The following BRD4 variants were observed in gnomAD, a reference collection of about 807,000 sequenced individuals.
The protein encoded by BRD4 is bromodomain containing 4, also known as bromodomain-containing protein 4.
A neutral mutation model predicts 142.1 loss-of-function variants in BRD4; 16 were observed. That is an observed-to-expected ratio of 0.11 (90% CI 0.08 to 0.17). The LOEUF (loss-of-function observed/expected upper bound fraction) is 0.17, where lower values mean the gene tolerates loss of function less well. Among genes scored for constraint, BRD4 ranks in the 10% least tolerant of loss-of-function variants. The probability of loss-of-function intolerance (pLI) is 1.00; values close to 1 mark genes in which losing one functional copy is unlikely to be tolerated. For missense variants in BRD4, 1,424 were observed against 1,810.9 expected, an observed-to-expected ratio of 0.79 and a Z score of 3.88; for synonymous variants, 833 against 707.5, an observed-to-expected ratio of 1.18 and a Z score of -2.82.
intron 1 of BRD4, among the ~76,000 whole-genome samples, chr19:15,321,145 A>C (rs545973997): frequency 7.2e-5 from 11 of 152,136 alleles, no homozygotes; most frequent in Non-Finnish European, 1.5e-4. Context: ...GAGGCAGGAG[A>C]ATTGCTTGAC....
intron 1 of BRD4, among the ~76,000 whole-genome samples, chr19:15,286,356 G>C (rs750322722): frequency 1.3e-5 from 2 of 152,216 alleles, no homozygotes; most frequent in Non-Finnish European, 2.9e-5. Context: ...AGACGAGAAA[G>C]AGACTTCAGC....
intron 1 of BRD4, among the ~76,000 whole-genome samples, chr19:15,273,405 G>A (rs1428689093): frequency 6.6e-6 from 1 of 152,222 alleles, no homozygotes. Flanking sequence ...AAAGGCTCTG[G>A]GAACTATGAA....
intron 11 of BRD4, chr19:15,253,594 G>A: frequency 6.3e-7 from 1 of 1,590,470 alleles, no homozygotes; most frequent in Non-Finnish European, 8.5e-7. Context: ...ACACTCTGGG[G>A]AGGGGTAGGC....
At chr19:15,295,125 C>T (rs182161111) in intron 1 of BRD4, among the ~76,000 whole-genome samples, 1 of 152,226 alleles carries the variant, frequency 6.6e-6, no homozygotes, top group Non-Finnish European at 1.5e-5. Flanking sequence ...TCCCAGAAAA[C>T]CAGCTTGCTG....
intron 11 of BRD4, among the ~76,000 whole-genome samples, chr19:15,246,202 G>T (rs1198673950): frequency 6.6e-6 from 1 of 152,206 alleles, no homozygotes; most frequent in Non-Finnish European, 1.5e-5. Context: ...AGATACTGTT[G>T]TGGGTGAGAC....
At chr19:15,255,190 A>T (rs1032180373) in intron 10 of BRD4, 107 bp downstream of exon 10, 1 of 943,902 alleles carries the variant, frequency 1.1e-6, no homozygotes, top group Non-Finnish European at 1.5e-6. Context: ...TTATAATTGG[A>T]AAAAAAAAAG....
chr19:15,311,436 G>A (rs984955809), intron 1 of BRD4, among the ~76,000 whole-genome samples: 3 of 152,152 alleles, frequency 2.0e-5, no homozygotes, highest in Non-Finnish European at 2.9e-5. Context: ...CTACAACACG[G>A]ATGGACCTGG....
intron 10 of BRD4, among the ~76,000 whole-genome samples, chr19:15,254,550 C>T (rs1282991883): frequency 6.6e-6 from 1 of 152,216 alleles, no homozygotes; most frequent in Admixed American, 6.5e-5. Flanking sequence ...AGGATAATTT[C>T]CTAACACAAG....
rs2145575864 is a variant in BRD4 at position 15,257,041 on chromosome 19, T to C, written c.1474A>G (p.Ser492Gly). ...PPSSSDSSSD[S>G]SSDSDSSTDD... ...GTCGAACTGTCACTGTCCGAGGAGC[T>C]ATCGCTGCTGCTGTCGCTGGATGAG... Residue 492 changes from serine to glycine, a missense_variant, in exon 8 of 20, where the codon AGC becomes GGC. By Grantham distance (56) the Ser-to-Gly change is moderately conservative. This residue lies in a region of BRD4 where 90 missense variants were observed against 93.2 expected (regional missense o/e 0.97). Transcript: ENST00000679869. 2 of 1,599,652 alleles carry C rather than the reference T, an allele frequency of 1.3e-6. No individual in the cohort carries two copies. Among genetic ancestry groups the C allele is most frequent in the Non-Finnish European group, 8.5e-7 (1 of 1,174,922 alleles).
At position 15,265,627 on chromosome 19, in the gene BRD4, G is replaced by T; in HGVS notation, c.576C>A (p.Gly192=). 1 of 1,614,114 alleles carries T rather than the reference G, an allele frequency of 6.2e-7. No individual in the cohort carries two copies. ...GRKETGTAKP[G]VSTVPNTTQA... Reference sequence around the variant, plus strand: ...GAGTTGTGTTTGGTACCGTGGAAACGCCAGGTTTTGCTGTCCCTACAAATC... The same window carrying T: ...GAGTTGTGTTTGGTACCGTGGAAACTCCAGGTTTTGCTGTCCCTACAAATC... The change falls in exon 5 of 20, where the codon GGC becomes GGA. Residue 192 remains glycine, a synonymous_variant. Coordinates refer to ENST00000679869, the MANE Select transcript of BRD4 (RefSeq NM_001379291.1).
At chr19:15,327,530 C>G (rs2048119066) in intron 1 of BRD4, among the ~76,000 whole-genome samples, 2 of 151,704 alleles carry the variant, frequency 1.3e-5, no homozygotes, top group Non-Finnish European at 2.9e-5. Flanking sequence ...GGCGACACAG[C>G]AAGACTCCGT....
rs201671277 is a variant in BRD4, at chr19:15,239,680, C to A, written c.3424G>T (p.Ala1142Ser). 2 of 1,586,538 alleles carry A rather than the reference C, an allele frequency of 1.3e-6. No individual in the cohort carries two copies. The highest frequency in any genetic ancestry group is 2.7e-5 in the African/African-American group (2 of 73,922). ...TCACGCTGGGGCAGGTGGACGGGGG[C>A]CTTGATGCTCTCCGGGTGCTTGGGG... ...EPPKHPESIK[A>S]PVHLPQRPEM... Residue 1142 changes from alanine (A) to serine (S), a missense_variant, in exon 16 of 20, where the codon GCC (alanine) becomes TCC (serine). Coordinates refer to ENST00000679869, the MANE Select transcript of BRD4 (RefSeq NM_001379291.1). The surrounding 1 kb of genome is among the most constrained non-coding windows in gnomAD (Gnocchi z 7.4).
At chr19:15,262,760 G>A (rs531397764) in intron 7 of BRD4, among the ~76,000 whole-genome samples, 1 of 152,070 alleles carries the variant, frequency 6.6e-6, no homozygotes, top group African/African-American at 2.4e-5. Context: ...AGATGATGAT[G>A]ATAGTACTAA....
chr19:15,324,208 A>AG (rs775020251), intron 1 of BRD4, among the ~76,000 whole-genome samples: 4 of 152,104 alleles, frequency 2.6e-5, no homozygotes, highest in African/African-American at 4.8e-5. Flanking sequence ...ATGCCTGGGG[A>AG]GGGGGGAAGG....
At chr19:15,329,631 C>T (rs576774892) in intron 1 of BRD4, among the ~76,000 whole-genome samples, 3 of 152,094 alleles carry the variant, frequency 2.0e-5, no homozygotes, top group Non-Finnish European at 4.4e-5. Context: ...CCCAGCTACT[C>T]GGGAGGCTGA....
intron 11 of BRD4, chr19:15,253,760 C>T (rs546040780): frequency 1.4e-5 from 22 of 1,598,212 alleles, no homozygotes; most frequent in Admixed American, 1.7e-5. Context: ...CCTGGGGACA[C>T]GAAGTCTCCA....
intron 1 of BRD4, among the ~76,000 whole-genome samples, chr19:15,306,604 G>GA (rs2047916331): frequency 6.6e-6 from 1 of 152,108 alleles, no homozygotes; most frequent in African/African-American, 2.4e-5. Flanking sequence ...TGAGAGACGC[G>GA]AGACCCTTCC....
chr19:15,328,557 TGTAA>T (rs1388272943), intron 1 of BRD4, among the ~76,000 whole-genome samples: 2 of 152,210 alleles, frequency 1.3e-5, no homozygotes, highest in African/African-American at 4.8e-5. Context: ...TCACATTCCT[TGTAA>T]GTCACTACCG....
chr19:15,264,869 C>T, intron 5 of BRD4, 103 bp from the exon 6 acceptor site: 5 of 1,497,642 alleles, frequency 3.3e-6, no homozygotes, highest in Non-Finnish European at 4.5e-6. Flanking sequence ...GGGCCCATCG[C>T]TCACACAGAA....
Sources: allele counts gnomAD v4.1 joint callset (sites outside exome capture counted in the v4.1 genomes callset), GRCh38; gene constraint gnomAD v4.1.1; regional missense constraint gnomAD v4.1.1; non-coding constraint Gnocchi (gnomAD v3.1); transcripts MANE v1.5; gene names NCBI Gene and HGNC (gene_info 2026-07-23, HGNC 2026-07-21).